Variants in AK5 observed in about 807,000 individuals in gnomAD.
AK5 encodes the protein adenylate kinase isoenzyme 5.
In AK5, 27 loss-of-function variants were observed where a neutral mutation model predicts 69.5. The observed-to-expected ratio is 0.39, with a 90% CI of 0.29 to 0.54. The LOEUF is 0.54. AK5 is among the 20% of genes least tolerant of loss of function. The pLI is 0.71. For synonymous variants in AK5, 260 were observed against 244.4 expected, an observed-to-expected ratio of 1.06 and a Z score of -0.60; for missense variants, 531 against 700.4, an observed-to-expected ratio of 0.76 and a Z score of 2.73.
At chr1:77,462,542 AAT>A (rs1170304638) in intron 8 of AK5, among the ~76,000 whole-genome samples, 2 of 152,030 alleles carry the variant, frequency 1.3e-5, no homozygotes, top group Admixed American at 6.6e-5. Context: ...AATTCTTGTG[AAT>A]ATATATATAC....
intron 8 of AK5, among the ~76,000 whole-genome samples, chr1:77,483,021 AAAAAAAAAAAAAAAAAAAAGAG>A (rs1655362771): frequency 1.6e-5 from 2 of 125,494 alleles, no homozygotes; most frequent in African/African-American, 5.9e-5. Context: ...AAAAAAAAAA[AAAAAAAAAAAAAAAAAAAAGAG>A]GTGAGATACT....
At chr1:77,448,048 C>A (rs1652862536) in intron 8 of AK5, among the ~76,000 whole-genome samples, 1 of 152,182 alleles carries the variant, frequency 6.6e-6, no homozygotes, top group Non-Finnish European at 1.5e-5. Context: ...TGACAGGGGG[C>A]TTAGGGCTGC....
intron 10 of AK5, among the ~76,000 whole-genome samples, chr1:77,500,507 G>A (rs946852779): frequency 2.0e-5 from 3 of 152,098 alleles, no homozygotes; most frequent in Admixed American, 6.6e-5. Flanking sequence ...GGCAAGGCAC[G>A]GTGGCTCACT....
At chr1:77,321,967 T>C (rs2100326986) in intron 5 of AK5, among the ~76,000 whole-genome samples, 1 of 152,342 alleles carries the variant, frequency 6.6e-6, no homozygotes, top group East Asian at 1.9e-4. Context: ...TACTAATCAA[T>C]TGTATTTCTA....
At chr1:77,285,510 G>A (rs531878298) in intron 1 of AK5, among the ~76,000 whole-genome samples, 1 of 152,356 alleles carries the variant, frequency 6.6e-6, no homozygotes, top group South Asian at 2.1e-4. Context: ...TTAAACAGAT[G>A]TCAGCCCTTC....
chr1:77,508,878 A>AG (rs1179340476), intron 10 of AK5, among the ~76,000 whole-genome samples: 3 of 151,858 alleles, frequency 2.0e-5, no homozygotes, highest in African/African-American at 7.3e-5. Context: ...AAAAAAAAAA[A>AG]AAGAAGAAGG....
chr1:77,453,135 C>T (rs1570159984), intron 8 of AK5, among the ~76,000 whole-genome samples: 1 of 152,146 alleles, frequency 6.6e-6, no homozygotes. Flanking sequence ...CCAGAGATGT[C>T]CCCGTTCTGA....
intron 13 of AK5, among the ~76,000 whole-genome samples, chr1:77,549,715 T>C (rs1033913536): frequency 6.6e-6 from 1 of 152,234 alleles, no homozygotes; most frequent in Non-Finnish European, 1.5e-5. Context: ...TTTCTGTGCC[T>C]GGCTTATTTC....
chr1:77,447,283 G>A (rs1227868719), intron 8 of AK5, among the ~76,000 whole-genome samples: 1 of 152,158 alleles, frequency 6.6e-6, no homozygotes, highest in Non-Finnish European at 1.5e-5. Flanking sequence ...AGTCAGAAAT[G>A]TCCTTCATAG....
At chr1:77,466,183 G>A (rs1210351212) in intron 8 of AK5, among the ~76,000 whole-genome samples, 2 of 152,028 alleles carry the variant, frequency 1.3e-5, no homozygotes, top group Non-Finnish European at 2.9e-5. Flanking sequence ...TGCTCTTCCT[G>A]CAGCCCTTTG....
At chr1:77,434,293 A>G (rs1375335324) in intron 8 of AK5, among the ~76,000 whole-genome samples, 1 of 152,066 alleles carries the variant, frequency 6.6e-6, no homozygotes, top group Non-Finnish European at 1.5e-5. Flanking sequence ...TCAATAACAT[A>G]CTCATAAATG....
chr1:77,335,389 T>G (rs1008227448), intron 5 of AK5, among the ~76,000 whole-genome samples: 9 of 151,824 alleles, frequency 5.9e-5, no homozygotes, highest in Admixed American at 1.3e-4. Flanking sequence ...TTTGGGTTTT[T>G]TTTTTTTTTT....
At chr1:77,553,701 G>A (rs976453757) in intron 13 of AK5, among the ~76,000 whole-genome samples, 5 of 152,154 alleles carry the variant, frequency 3.3e-5, no homozygotes, top group Non-Finnish European at 5.9e-5. Flanking sequence ...CCACTGATAC[G>A]ATCATGGACA....
intron 6 of AK5, among the ~76,000 whole-genome samples, chr1:77,396,674 G>T (rs1053340680): frequency 6.6e-6 from 1 of 152,204 alleles, no homozygotes; most frequent in African/African-American, 2.4e-5. Context: ...ATGAATGTGG[G>T]ATAACTAGGA....
At chr1:77,444,162 TC>T (rs1557597882) in intron 8 of AK5, among the ~76,000 whole-genome samples, 1 of 141,800 alleles carries the variant, frequency 7.1e-6, no homozygotes, top group Non-Finnish European at 1.5e-5. Flanking sequence ...TCTCTCTCTC[TC>T]ACTCTCTCTC....
intron 6 of AK5, among the ~76,000 whole-genome samples, chr1:77,353,631 C>T (rs1412796380): frequency 6.6e-6 from 1 of 152,246 alleles, no homozygotes; most frequent in Admixed American, 6.5e-5. Context: ...CTGCGTCTCA[C>T]TCTGACATTA....
intron 13 of AK5, among the ~76,000 whole-genome samples, chr1:77,538,723 C>T (rs1659119548): frequency 6.6e-6 from 1 of 152,038 alleles, no homozygotes; most frequent in South Asian, 2.1e-4. Context: ...GGGAAAATTC[C>T]TAAGTAATTC....
At chr1:77,432,307 G>A (rs1651691689) in intron 8 of AK5, among the ~76,000 whole-genome samples, 1 of 152,122 alleles carries the variant, frequency 6.6e-6, no homozygotes, top group African/African-American at 2.4e-5. Flanking sequence ...AGGAATCTGT[G>A]TCAAAAGCGT....
chr1:77,457,875 C>G (rs1041221790), intron 8 of AK5, among the ~76,000 whole-genome samples: 1 of 151,986 alleles, frequency 6.6e-6, no homozygotes, highest in South Asian at 2.1e-4. Context: ...AACAAATTAC[C>G]ACAAACTTAG....
Sources: allele counts gnomAD v4.1 joint callset (sites outside exome capture counted in the v4.1 genomes callset), GRCh38; gene constraint gnomAD v4.1.1; transcripts MANE v1.5; gene names NCBI Gene and HGNC (gene_info 2026-07-23, HGNC 2026-07-21).